The following HCN1 variants were observed in gnomAD, a reference collection of about 807,000 sequenced individuals.
HCN1 encodes hyperpolarization activated cyclic nucleotide gated potassium channel 1, also known as potassium/sodium hyperpolarization-activated cyclic nucleotide-gated channel 1.
A neutral mutation model predicts 78.9 loss-of-function variants in HCN1; 13 were observed. That is an observed-to-expected ratio of 0.16 (90% CI 0.11 to 0.26). HCN1 has a LOEUF of 0.26. HCN1 is among the 10% of genes least tolerant of loss of function. HCN1 has a pLI of 1.00. For missense variants in HCN1, 810 were observed against 1,154.3 expected (o/e 0.70, Z 4.32); for synonymous variants, 552 against 455.5 (o/e 1.21, Z -2.70).
chr5:45,540,996 G>A (rs1247550070), intron 2 of HCN1, among the ~76,000 whole-genome samples: 2 of 151,998 alleles, frequency 1.3e-5, no homozygotes, highest in African/African-American at 4.8e-5. Context: ...CAAAGGGACC[G>A]ACTTATCCTG....
intron 6 of HCN1, among the ~76,000 whole-genome samples, chr5:45,273,655 A>G (rs543307326): frequency 3.0e-4 from 45 of 152,302 alleles, no homozygotes; most frequent in African/African-American, 1.0e-3. Flanking sequence ...TAACCTAAAC[A>G]AAAGCTGCTT....
intron 4 of HCN1, among the ~76,000 whole-genome samples, chr5:45,393,067 G>C (rs1302253143): frequency 6.6e-6 from 1 of 152,062 alleles, no homozygotes; most frequent in African/African-American, 2.4e-5. Context: ...CACAGTTTCA[G>C]GATGCTATTC....
chr5:45,683,860 G>A (rs574671507), intron 1 of HCN1, among the ~76,000 whole-genome samples: 17 of 151,898 alleles, frequency 1.1e-4, no homozygotes, highest in Admixed American at 3.9e-4. Flanking sequence ...TTGTAGAGAC[G>A]GGGTCTCGCC....
intron 2 of HCN1, among the ~76,000 whole-genome samples, chr5:45,588,477 A>G (rs933118253): frequency 1.3e-5 from 2 of 152,188 alleles, no homozygotes; most frequent in African/African-American, 4.8e-5. Context: ...GTGTATGCCA[A>G]ATCCTAGGTA....
intron 2 of HCN1, among the ~76,000 whole-genome samples, chr5:45,580,768 T>A (rs1389359426): frequency 2.0e-5 from 3 of 152,118 alleles, no homozygotes. Flanking sequence ...AATTCCCACC[T>A]ATGAGTGAGA....
At position 45,260,643 on chromosome 5, in the gene HCN1, G is replaced by C. The variant is rs1426627634; in HGVS notation, c.*1278C>G. 1 of 152,520 alleles carries C rather than the reference G, an allele frequency of 6.6e-6. No individual in the cohort carries two copies. Among genetic ancestry groups the C allele is most frequent in the Non-Finnish European group, 1.5e-5 (1 of 68,024 alleles). The allele number at this position is 152,520 out of a possible 1,614,324, so 9.4% of individuals were successfully genotyped here. A position where few individuals can be genotyped will look rare whatever the true frequency, so the allele number is the denominator to read the frequency against. ...TTTATTTCTTTAAATTAATACCATA[G>C]TAAATTACCAGCTACAGTGAAGACA... On this transcript the variant is annotated 3_prime_UTR_variant, in exon 8 of 8. Transcript: ENST00000303230.
At chr5:45,646,010 T>C (rs1003620588) in intron 1 of HCN1, among the ~76,000 whole-genome samples, 2 of 152,014 alleles carry the variant, frequency 1.3e-5, no homozygotes, top group Non-Finnish European at 1.5e-5. Context: ...TGAAGATGTT[T>C]TGAATTATTT....
chr5:45,492,029 C>G (rs1741895281), intron 2 of HCN1, among the ~76,000 whole-genome samples: 1 of 152,082 alleles, frequency 6.6e-6, no homozygotes, highest in African/African-American at 2.4e-5. Flanking sequence ...CCAACCTCAT[C>G]TAAAAATTTT....
At chr5:45,448,689 G>A (rs776008957) in intron 3 of HCN1, among the ~76,000 whole-genome samples, 6 of 152,026 alleles carry the variant, frequency 3.9e-5, no homozygotes, top group Non-Finnish European at 7.4e-5. Flanking sequence ...TGTACTCTCA[G>A]CTACCTGAAA....
chr5:45,512,409 AT>A (rs765371151), intron 2 of HCN1, among the ~76,000 whole-genome samples: 3 of 152,118 alleles, frequency 2.0e-5, no homozygotes, highest in Non-Finnish European at 4.4e-5. Context: ...GAATTAACTA[AT>A]TTCAGGCTCA....
chr5:45,608,284 A>T (rs1456388693), intron 2 of HCN1, among the ~76,000 whole-genome samples: 1 of 151,968 alleles, frequency 6.6e-6, no homozygotes, highest in Non-Finnish European at 1.5e-5. Context: ...TTGTAAAGAC[A>T]TCAATTTTTC....
At chr5:45,504,056 A>AT (rs1742242829) in intron 2 of HCN1, among the ~76,000 whole-genome samples, 1 of 152,048 alleles carries the variant, frequency 6.6e-6, no homozygotes, top group Non-Finnish European at 1.5e-5. Context: ...AAGTGCTAGG[A>AT]TTGCAGGCAT....
chr5:45,263,215 A>G (rs1270019498), intron 7 of HCN1, among the ~76,000 whole-genome samples: 2 of 152,216 alleles, frequency 1.3e-5, no homozygotes, highest in African/African-American at 2.4e-5. Context: ...AACACGTACT[A>G]TGTGATAAGC....
chr5:45,605,511 G>GT (rs1448772902), intron 2 of HCN1, among the ~76,000 whole-genome samples: 1 of 151,298 alleles, frequency 6.6e-6, no homozygotes, highest in African/African-American at 2.4e-5. Context: ...CAGACTAATG[G>GT]TAAGATGTCC....
At chr5:45,394,269 C>A (rs1375165478) in intron 4 of HCN1, among the ~76,000 whole-genome samples, 1 of 152,014 alleles carries the variant, frequency 6.6e-6, no homozygotes, top group Non-Finnish European at 1.5e-5. Context: ...AAGAGGAGTG[C>A]TAACAGATTG....
At chr5:45,691,979 A>C (rs748954227) in intron 1 of HCN1, among the ~76,000 whole-genome samples, 1 of 152,224 alleles carries the variant, frequency 6.6e-6, no homozygotes, top group Non-Finnish European at 1.5e-5. Flanking sequence ...AATTGAAAAA[A>C]ATAAGAAGTC....
At chr5:45,558,322 TC>T (rs1470060163) in intron 2 of HCN1, 1 of 152,104 alleles carries the variant, frequency 6.6e-6, no homozygotes, top group East Asian at 1.9e-4. Flanking sequence ...AGAAGAAAAG[TC>T]TGACGTTAGC....
intron 3 of HCN1, among the ~76,000 whole-genome samples, chr5:45,451,737 T>C (rs1248414221): frequency 6.6e-6 from 1 of 151,908 alleles, no homozygotes; most frequent in Non-Finnish European, 1.5e-5. Flanking sequence ...ATCTGAAAAG[T>C]CACCTAAAGG....
chr5:45,285,351 T>C (rs1405370278), intron 6 of HCN1, among the ~76,000 whole-genome samples: 1 of 151,572 alleles, frequency 6.6e-6, no homozygotes, highest in East Asian at 1.9e-4. Context: ...TTCTCTGTGC[T>C]GGAAATACAA....
Sources: allele counts gnomAD v4.1 joint callset (sites outside exome capture counted in the v4.1 genomes callset), GRCh38; gene constraint gnomAD v4.1.1; transcripts MANE v1.5; gene names NCBI Gene and HGNC (gene_info 2026-07-23, HGNC 2026-07-21).